Variants in PTPRN2 observed in about 807,000 individuals in gnomAD.
The protein encoded by PTPRN2 is protein tyrosine phosphatase receptor type N2.
PTPRN2 carries 74 observed loss-of-function variants against 118.8 expected under a neutral mutation model. The ratio of observed to expected loss-of-function variants is 0.62; its 90% CI spans 0.52 to 0.76. The LOEUF (loss-of-function observed/expected upper bound fraction) is 0.76, where lower values mean the gene tolerates loss of function less well. PTPRN2 is among the 30% of genes least tolerant of loss of function. The pLI, the probability that PTPRN2 is intolerant of heterozygous loss-of-function variation, is 0.00. For synonymous variants in PTPRN2, 641 were observed against 608.0 expected, an observed-to-expected ratio of 1.05 and a Z score of -0.80; for missense variants, 1,481 against 1,394.4, an observed-to-expected ratio of 1.06 and a Z score of -0.99.
At chr7:158,390,193 G>A (rs766743468) in intron 2 of PTPRN2, among the ~76,000 whole-genome samples, 3 of 152,152 alleles carry the variant, frequency 2.0e-5, no homozygotes, top group East Asian at 1.9e-4. Flanking sequence ...CAGAGGCGCC[G>A]TCGCCCTGGG....
chr7:157,956,071 T>C (rs1801169091), intron 11 of PTPRN2, among the ~76,000 whole-genome samples: 1 of 152,204 alleles, frequency 6.6e-6, no homozygotes, highest in African/African-American at 2.4e-5. Context: ...TGTGTTTCTC[T>C]TGTGTTTGGA....
At chr7:158,068,165 G>A (rs1810923031) in intron 11 of PTPRN2, among the ~76,000 whole-genome samples, 1 of 152,212 alleles carries the variant, frequency 6.6e-6, no homozygotes, top group South Asian at 2.1e-4. Context: ...CCCTGACTGA[G>A]CAGAGCAGGC....
At chr7:158,075,546 G>C (rs1169449544) in intron 11 of PTPRN2, among the ~76,000 whole-genome samples, 1 of 152,150 alleles carries the variant, frequency 6.6e-6, no homozygotes, top group Non-Finnish European at 1.5e-5. Context: ...AGCCTGCGGG[G>C]CCCACTGTGC....
chr7:158,047,880 T>C (rs898457048), intron 11 of PTPRN2, among the ~76,000 whole-genome samples: 31 of 152,112 alleles, frequency 2.0e-4, no homozygotes, highest in African/African-American at 7.2e-4. Flanking sequence ...AACCCACCAA[T>C]GTGGCATTAC....
intron 11 of PTPRN2, among the ~76,000 whole-genome samples, chr7:158,070,436 G>C (rs1195254417): frequency 2.1e-5 from 3 of 143,514 alleles, no homozygotes; most frequent in Admixed American, 6.9e-5. Flanking sequence ...GCTCGTGGTG[G>C]TGGAGGTGCC....
chr7:157,681,034 TG>T (rs1184236555), intron 13 of PTPRN2, among the ~76,000 whole-genome samples: 1 of 101,086 alleles, frequency 9.9e-6, no homozygotes, highest in Non-Finnish European at 2.4e-5. Context: ...GAGCTGTCAC[TG>T]GGAAGGCTTT....
At chr7:158,036,234 A>T (rs1808080880) in intron 11 of PTPRN2, among the ~76,000 whole-genome samples, 1 of 152,066 alleles carries the variant, frequency 6.6e-6, no homozygotes, top group Non-Finnish European at 1.5e-5. Context: ...AAGTGAAATG[A>T]ATCATTTTTA....
intron 1 of PTPRN2, among the ~76,000 whole-genome samples, chr7:158,524,814 T>A (rs1824646772): frequency 6.6e-6 from 1 of 152,170 alleles, no homozygotes; most frequent in Non-Finnish European, 1.5e-5. Context: ...ACACAAAAAG[T>A]CAGCTTCTGT....
rs900076292 is a variant in PTPRN2 at position 157,583,247 on chromosome 7, A to G, written c.2497-5107T>C. On this transcript the variant is annotated intron_variant, in intron 17 of 22. Coordinates refer to ENST00000389418, the MANE Select transcript of PTPRN2 (RefSeq NM_002847.5). This position sits in a 1 kb window ranked among gnomAD's most constrained non-coding sequence, Gnocchi z 5.5. ...AGAAGGACAGGCACCCCATGATCTC[A>G]CTCACATGTGGCACCTAAAAAGGAC... Among the ~76,000 whole-genome samples the G allele has an allele frequency of 2.0e-5, 3 of 151,842 alleles. No homozygotes were observed. Among genetic ancestry groups the G allele is most frequent in the African/African-American group, 7.2e-5 (3 of 41,436 alleles).
At chr7:158,407,240 T>C (rs367813251) in intron 2 of PTPRN2, among the ~76,000 whole-genome samples, 1,806 of 31,164 alleles carry the variant, frequency 0.058, 208 homozygotes, top group East Asian at 0.2. Flanking sequence ...TCCTGGGTCC[T>C]GGGTCCTGCG....
At position 158,538,334 on chromosome 7, in the gene PTPRN2, C is replaced by T. The variant is rs539683400; in HGVS notation, c.113-48549G>A. Among the ~76,000 whole-genome samples the T allele has an allele frequency of 1.3e-3, 201 of 152,376 alleles. 4 individuals carry two copies. Among genetic ancestry groups the T allele is most frequent in the Admixed American group, 0.012 (187 of 15,312 alleles). On this transcript the variant is annotated intron_variant, in intron 1 of 22. Transcript: ENST00000389418. The stretch of plus-strand genomic sequence containing the variant: ...GCTGCGCTCCCTCACAAACACTAAC[C>T]CCAGTGGTTCTCCTCCCAGCACTGC...
chr7:158,205,991 G>T (rs899432143), intron 3 of PTPRN2, among the ~76,000 whole-genome samples: 8 of 152,154 alleles, frequency 5.3e-5, no homozygotes, highest in Non-Finnish European at 1.5e-5. Flanking sequence ...TAAACTTGAA[G>T]GCTGCCTATG....
intron 13 of PTPRN2, among the ~76,000 whole-genome samples, chr7:157,670,314 C>T (rs1796348601): frequency 6.6e-6 from 1 of 151,862 alleles, no homozygotes; most frequent in Admixed American, 6.6e-5. Context: ...CTCCTGCCTC[C>T]CTTTTTCTTA....
chr7:158,399,940 G>A (rs1586576209), intron 2 of PTPRN2, among the ~76,000 whole-genome samples: 1 of 152,180 alleles, frequency 6.6e-6, no homozygotes, highest in African/African-American at 2.4e-5. Flanking sequence ...CACAGGGAGC[G>A]AAGCTGGGAG....
At chr7:157,558,307 G>A (rs1563211594) in intron 21 of PTPRN2, among the ~76,000 whole-genome samples, 2 of 152,120 alleles carry the variant, frequency 1.3e-5, no homozygotes, top group Non-Finnish European at 2.9e-5. Context: ...CAGCACGAGA[G>A]CCCCAAGGCA....
At chr7:157,824,550 C>T (rs989004445) in intron 12 of PTPRN2, among the ~76,000 whole-genome samples, 12 of 152,310 alleles carry the variant, frequency 7.9e-5, no homozygotes, top group Admixed American at 4.6e-4. Flanking sequence ...CACAGGCCCC[C>T]GGAAGAACTC....
chr7:158,006,140 C>G (rs946841635), intron 11 of PTPRN2, among the ~76,000 whole-genome samples: 2 of 152,208 alleles, frequency 1.3e-5, no homozygotes, highest in Admixed American at 6.5e-5. Flanking sequence ...CCTGGGGCAG[C>G]ACAGGCACCT....
chr7:158,074,717 C>T (rs1037776417), intron 11 of PTPRN2, among the ~76,000 whole-genome samples: 2 of 152,138 alleles, frequency 1.3e-5, no homozygotes, highest in African/African-American at 4.8e-5. Context: ...TGAAATGGAA[C>T]CTGCTCTCCC....
intron 10 of PTPRN2, among the ~76,000 whole-genome samples, chr7:158,088,241 G>A (rs368703865): frequency 0.016 from 220 of 14,058 alleles, no homozygotes; most frequent in African/African-American, 0.021. Flanking sequence ...CCCTGATGAA[G>A]GAGGGAGTCT....
Sources: allele counts gnomAD v4.1 joint callset (sites outside exome capture counted in the v4.1 genomes callset), GRCh38; gene constraint gnomAD v4.1.1; non-coding constraint Gnocchi (gnomAD v3.1); transcripts MANE v1.5; gene names NCBI Gene and HGNC (gene_info 2026-07-23, HGNC 2026-07-21).